Variants in SELP observed in about 807,000 individuals in gnomAD.
The protein encoded by SELP is selectin P, also known as P-selectin.
Under a neutral mutation model 104.1 loss-of-function variants are expected in SELP, and 92 were observed. The ratio of observed to expected loss-of-function variants is 0.88; its 90% CI spans 0.75 to 1.05. SELP has a LOEUF of 1.05. Ranked by LOEUF, SELP falls within the 50% of genes least tolerant of loss-of-function variation. The pLI is 0.00. For missense variants in SELP, 1,022 were observed against 1,017.3 expected, an observed-to-expected ratio of 1.00 and a Z score of -0.06; for synonymous variants, 397 against 364.5, an observed-to-expected ratio of 1.09 and a Z score of -1.01.
Position 169,613,077 on chromosome 1 carries a change from C to T in SELP, c.627G>A (p.Val209=). The T allele has an allele frequency of 6.2e-7, 1 of 1,612,824 alleles. No individual in the cohort carries two copies. The highest frequency in any genetic ancestry group is 8.5e-7 in the Non-Finnish European group (1 of 1,179,260). The stretch of plus-strand genomic sequence containing the variant: ...CCAGAGGGTGGCTGCAGTTCATGAG[C>T]ACGTGTTGAGGGAGCTCAAGTTCTC... ...ECGELELPQH[V]LMNCSHPLGN... Residue 209 remains valine, a synonymous_variant, in exon 5 of 17, where the codon GTG becomes GTA. Coordinates refer to ENST00000263686, the MANE Select transcript of SELP (RefSeq NM_003005.4).
chr1:169,612,970 A>G lies in SELP; in HGVS notation c.734T>C (p.Leu245Ser). Residue 245 changes from leucine (L) to serine (S), a missense_variant, in exon 5 of 17, where the codon TTG becomes TCG. Transcript: ENST00000263686. ...QVNGPSKLEC[L>S]ASGIWTNKPP... ...CTTATTTGTCCAGATTCCAGAAGCCAAGCATTCCAGCTTGCTGGGCCCATT... is the reference window on the plus strand; with the variant it reads ...CTTATTTGTCCAGATTCCAGAAGCCGAGCATTCCAGCTTGCTGGGCCCATT... 1 of 1,613,272 alleles carries G rather than the reference A, an allele frequency of 6.2e-7. No individual in the cohort carries two copies. Among genetic ancestry groups the G allele is most frequent in the East Asian group, 2.2e-5 (1 of 44,864 alleles).
At position 169,617,169 on chromosome 1, in the gene SELP, C is replaced by CTGG. The variant is rs747727297; in HGVS notation, c.339_340insCCA (p.Glu113_Ala114insPro). ...GGTTCATTATCAGCCCAGTTCTCAG[C>CTGG]CTCGTTGGTGAGAGCCTTTTTGGTT... On this transcript the variant is annotated inframe_insertion, in exon 3 of 17. Transcript: ENST00000263686. The CTGG allele has an allele frequency of 1.1e-5, 17 of 1,613,996 alleles. No individual in the cohort carries two copies. In the East Asian group the frequency reaches 3.3e-4, roughly 32 times the overall value.
At chr1:169,628,490 A>T (rs1242929157) in intron 1 of SELP, among the ~76,000 whole-genome samples, 1 of 152,236 alleles carries the variant, frequency 6.6e-6, no homozygotes, top group Non-Finnish European at 1.5e-5. Context: ...ACTTCGCTGT[A>T]GAGCTCAAGC....
chr1:169,620,949 C>CTGTGTGTGAGTGTGTGTG (rs1663081630), intron 1 of SELP, among the ~76,000 whole-genome samples: 1 of 76,954 alleles, frequency 1.3e-5, no homozygotes, highest in South Asian at 5.8e-4. Context: ...GTGTGGGGTT[C>CTGTGTGTGAGTGTGTGTG]TGTGTGTGTG....
At chr1:169,623,651 T>C (rs1663240029) in intron 1 of SELP, among the ~76,000 whole-genome samples, 1 of 152,210 alleles carries the variant, frequency 6.6e-6, no homozygotes, top group South Asian at 2.1e-4. Flanking sequence ...TGCAAGTCAG[T>C]GTGCATCCCC....
chr1:169,604,677 T>G (rs1176870148), intron 9 of SELP, among the ~76,000 whole-genome samples: 1 of 152,196 alleles, frequency 6.6e-6, no homozygotes, highest in African/African-American at 2.4e-5. Flanking sequence ...TTCTTCTAGT[T>G]GAAAAGTATT....
chr1:169,593,193 T>C (rs557893061), intron 14 of SELP, among the ~76,000 whole-genome samples: 2 of 152,150 alleles, frequency 1.3e-5, no homozygotes, highest in African/African-American at 2.4e-5. Flanking sequence ...TCTAACAGAG[T>C]TGATGAATAA....
intron 10 of SELP, among the ~76,000 whole-genome samples, chr1:169,599,081 T>C (rs565083721): frequency 4.4e-4 from 67 of 152,272 alleles, no homozygotes; most frequent in African/African-American, 1.5e-3. Flanking sequence ...AAAATTAACC[T>C]TGACCCTTAC....
rs535510371 is a variant in SELP at position 169,594,621 on chromosome 1, C to T, written c.2287+71G>A. Reference sequence around the variant, plus strand: ...GAAAGCAAGACCACTATGAGAAAGACACAGGGAAGAAACACTGATTTTGTT... The same window carrying T: ...GAAAGCAAGACCACTATGAGAAAGATACAGGGAAGAAACACTGATTTTGTT... On this transcript the variant is annotated intron_variant, in intron 13 of 16. Coordinates refer to ENST00000263686, the MANE Select transcript of SELP (RefSeq NM_003005.4). The T allele has an allele frequency of 3.6e-5, 53 of 1,473,054 alleles. No homozygotes were observed. The South Asian group carries it at 6.2e-4, about 17-fold the overall frequency. 91.2% of individuals were successfully genotyped at this position (1,473,054 alleles called of 1,614,324 possible).
intron 8 of SELP, 132 bp downstream of exon 8, chr1:169,609,372 G>T: frequency 1.2e-6 from 1 of 862,214 alleles, no homozygotes; most frequent in Non-Finnish European, 1.8e-6. Context: ...CTGGTCCCAA[G>T]CACAAAGGAC....
chr1:169,611,177 C>A (rs1245322967), intron 7 of SELP, among the ~76,000 whole-genome samples: 8 of 152,174 alleles, frequency 5.3e-5, no homozygotes, highest in African/African-American at 1.9e-4. Flanking sequence ...GCCACCTTAG[C>A]CGCTGCTCCC....
chr1:169,609,813 C>T (rs2101899065), intron 7 of SELP, 124 bp from the exon 8 acceptor site: 1 of 883,776 alleles, frequency 1.1e-6, no homozygotes, highest in East Asian at 2.8e-5. Context: ...CCTAAAACCT[C>T]CATTTTCCAA....
chr1:169,612,866 T>A lies in SELP; in HGVS notation c.775+63A>T. 6 of 1,357,518 alleles carry A rather than the reference T, an allele frequency of 4.4e-6. No individual in the cohort carries two copies. In the South Asian group the frequency reaches 6.1e-5, roughly 14 times the overall value. The allele number at this position is 1,357,518 out of a possible 1,614,324, so 84.1% of individuals were successfully genotyped here. On this transcript the variant is annotated intron_variant, in intron 5 of 16. Transcript: ENST00000263686. ...CACATTTTTTAATGGAGAAAGCTCATTGTGTCCTCTTCTCCCCCAAAATTC... is the reference window on the plus strand; with the variant it reads ...CACATTTTTTAATGGAGAAAGCTCAATGTGTCCTCTTCTCCCCCAAAATTC...
At chr1:169,621,466 C>T (rs114296625) in intron 1 of SELP, among the ~76,000 whole-genome samples, 5,063 of 125,436 alleles carry the variant, frequency 0.04, 281 homozygotes, top group African/African-American at 0.14. Flanking sequence ...GTGTGTGTCA[C>T]GCCCAGTGAT....
chr1:169,619,963 G>T (rs1229035228), intron 1 of SELP, among the ~76,000 whole-genome samples: 2 of 152,006 alleles, frequency 1.3e-5, no homozygotes. Context: ...AGCACTTTGG[G>T]AGGCTGAGGT....
intron 1 of SELP, among the ~76,000 whole-genome samples, chr1:169,620,952 T>C (rs1663082955): frequency 7.6e-6 from 1 of 131,360 alleles, no homozygotes; most frequent in African/African-American, 3.1e-5. Flanking sequence ...TGGGGTTCTG[T>C]GTGTGTGTGT....
At chr1:169,606,804 T>TCCC (rs1241814016) in intron 9 of SELP, 145 bp downstream of exon 9, 1 of 723,186 alleles carries the variant, frequency 1.4e-6, no homozygotes, top group East Asian at 2.8e-5. Context: ...CCTTGGGTTA[T>TCCC]AGGACAAGAG....
chr1:169,591,490 A>T (rs77862011), intron 14 of SELP, 34 bp from the exon 15 acceptor site: 4 of 986,174 alleles, frequency 4.1e-6, no homozygotes, highest in Non-Finnish European at 5.4e-6. Context: ...ATGAATGATT[A>T]AAAAAAAAAA....
In SELP at chr1:169,609,609, T is replaced by C. The variant is rs929322955; in HGVS notation, c.1228A>G (p.Thr410Ala). The part of the protein sequence containing the change: ...SPSLRAFQYD[T>A]NCSFRCAEGF... ...TCAGCACAGCGGAAGCTACAGTTGG[T>C]GTCATACTGAAACGCTCTCAAGGAT... Residue 410 changes from threonine to alanine, a missense_variant, in exon 8 of 17, where the codon ACC becomes GCC. Transcript: ENST00000263686. The C allele has an allele frequency of 6.2e-7, 1 of 1,613,944 alleles. No homozygotes were observed. Among genetic ancestry groups the C allele is most frequent in the Non-Finnish European group, 8.5e-7 (1 of 1,179,982 alleles).
Sources: gnomAD v4.1 joint callset for allele counts (sites outside exome capture counted in the v4.1 genomes callset) on GRCh38, gnomAD v4.1.1 for gene constraint, MANE v1.5 for transcripts, NCBI Gene and HGNC (gene_info 2026-07-23, HGNC 2026-07-21) for gene names.